KNL1: variants seen among roughly 807,000 people sequenced by gnomAD.
KNL1 encodes the protein outer kinetochore KNL1 complex subunit KNL1.
A neutral mutation model predicts 201.3 loss-of-function variants in KNL1; 66 were observed. The ratio of observed to expected loss-of-function variants is 0.33; its 90% CI spans 0.27 to 0.40. KNL1 has a LOEUF of 0.40. Ranked by LOEUF, KNL1 falls within the 10% of genes least tolerant of loss-of-function variation. KNL1 has a pLI of 1.00. For synonymous variants in KNL1, 895 were observed against 899.2 expected (o/e 1.00, Z 0.08); for missense variants, 2,815 against 2,690.5 (o/e 1.05, Z -1.02).
At chr15:40,646,893 T>G in intron 16 of KNL1, 94 bp from the exon 17 acceptor site, 5 of 536,010 alleles carry the variant, frequency 9.3e-6, no homozygotes, top group East Asian at 3.4e-5. Context: ...TGCCTGTTTG[T>G]GATCATGATA....
At chr15:40,650,677 A>G in intron 19 of KNL1, 94 bp downstream of exon 19, 1 of 1,152,064 alleles carries the variant, frequency 8.7e-7, no homozygotes, top group Non-Finnish European at 1.2e-6. Context: ...ATTTGGGGAC[A>G]TGAGTCTTGA....
At chr15:40,659,513 G>A in intron 25 of KNL1, 52 bp downstream of exon 25, 1 of 1,550,662 alleles carries the variant, frequency 6.4e-7, no homozygotes, top group Middle Eastern at 1.7e-4. Flanking sequence ...TTTTTTTTGA[G>A]ATGGAGTCTG....
At chr15:40,660,225 G>A (rs1394529221) in intron 25 of KNL1, among the ~76,000 whole-genome samples, 2 of 151,984 alleles carry the variant, frequency 1.3e-5, no homozygotes, top group Non-Finnish European at 2.9e-5. Flanking sequence ...GACCTTCATT[G>A]CTATCTCCAG....
rs776910283 is a variant in KNL1, at chr15:40,640,953, A to G, written c.5724A>G (p.Leu1908=). The G allele has an allele frequency of 2.2e-5, 36 of 1,613,276 alleles. No homozygotes were observed. In the Admixed American group the frequency reaches 5.8e-4, roughly 26 times the overall value. ...CACCTACTCCAGAAGACCTGATGTT[A>G]AGTCAATATGTTTACCGACCCAAGA... The part of the protein sequence containing the change: ...NTPPTPEDLM[L]SQYVYRPKIQ... Residue 1908 remains leucine (L), a synonymous_variant, in exon 14 of 26, where the codon TTA becomes TTG. Coordinates refer to ENST00000399668, the MANE Select transcript of KNL1 (RefSeq NM_144508.5).
chr15:40,620,581 A>C, intron 9 of KNL1, 59 bp from the exon 10 acceptor site: 1 of 1,104,584 alleles, frequency 9.1e-7, no homozygotes, highest in Non-Finnish European at 1.3e-6. Context: ...ACATGTTGTA[A>C]AATGCCTTTT....
intron 14 of KNL1, among the ~76,000 whole-genome samples, chr15:40,642,626 G>A (rs1415140524): frequency 2.6e-5 from 4 of 151,970 alleles, no homozygotes; most frequent in African/African-American, 9.7e-5. Flanking sequence ...TTGTTTGTTT[G>A]TTTCTTTGTT....
chr15:40,650,627 CAGA>C, intron 19 of KNL1, 44 bp downstream of exon 19: 1 of 1,497,692 alleles, frequency 6.7e-7, no homozygotes, highest in Non-Finnish European at 8.9e-7. Flanking sequence ...TGCTAAATCA[CAGA>C]AGGCTAGATG....
At chr15:40,658,939 A>AAAG (rs1555423581) in intron 24 of KNL1, among the ~76,000 whole-genome samples, 66 of 148,138 alleles carry the variant, frequency 4.5e-4, no homozygotes, top group Middle Eastern at 3.5e-3. Context: ...CAAAAAAAAA[A>AAAG]AAAGAAAAAG....
At chr15:40,626,905 TTTG>T (rs1322016979) in intron 10 of KNL1, among the ~76,000 whole-genome samples, 1 of 151,262 alleles carries the variant, frequency 6.6e-6, no homozygotes, top group African/African-American at 2.4e-5. Context: ...TTATTTTTGT[TTTG>T]TTTTGAGATT....
chr15:40,632,045 C>G (rs545800504), intron 13 of KNL1, among the ~76,000 whole-genome samples: 2 of 150,764 alleles, frequency 1.3e-5, no homozygotes, highest in African/African-American at 4.9e-5. Flanking sequence ...AAAAGCTATA[C>G]TTTGAAAAGA....
chr15:40,602,875 C>T, intron 1 of KNL1, 40 bp from the exon 2 acceptor site: 1 of 1,154,284 alleles, frequency 8.7e-7, no homozygotes, highest in Non-Finnish European at 1.3e-6. Flanking sequence ...GTTGCTCTTC[C>T]TTTTTCCTCA....
At chr15:40,618,735 A>T (rs758200079) in intron 8 of KNL1, among the ~76,000 whole-genome samples, 3 of 152,182 alleles carry the variant, frequency 2.0e-5, no homozygotes, top group Non-Finnish European at 4.4e-5. Context: ...TTTGATCATT[A>T]CACAATGTAT....
At chr15:40,640,158 G>A (rs541101545) in intron 13 of KNL1, among the ~76,000 whole-genome samples, 4 of 146,358 alleles carry the variant, frequency 2.7e-5, no homozygotes, top group Admixed American at 6.9e-5. Flanking sequence ...GTGCAGTGGC[G>A]CAATCTCGGC....
chr15:40,622,186 A>G lies in KNL1; in HGVS notation c.1922A>G (p.Asp641Gly). Residue 641 changes from aspartate (D) to glycine (G), a missense_variant, in exon 10 of 26, where the codon GAC becomes GGC. Physicochemically the swap from Asp to Gly is moderately conservative, Grantham distance 94. Coordinates refer to ENST00000399668, the MANE Select transcript of KNL1 (RefSeq NM_144508.5). ...AGCTTAACCGACACCTGGAACAAAG[A>G]CAAAGATTGGGTTTTGAAGATTTTG... ...KNSLTDTWNKDKDWVLKILPY... is the reference protein window; with the variant it reads ...KNSLTDTWNKGKDWVLKILPY... 6.2e-7 allele frequency: 1 copy of G among 1,614,132 alleles called. No homozygotes were observed.
rs1197309777 is a variant in KNL1 at position 40,625,350 on chromosome 15, A to G, written c.5086A>G (p.Ile1696Val). 3.7e-6 allele frequency: 6 copies of G among 1,614,010 alleles called. No individual in the cohort carries two copies. The highest frequency in any genetic ancestry group is 1.3e-5 in the African/African-American group (1 of 74,940). ...GCCGGTCTCTAGCAAAGATTCAGGC[A>G]TTGGATCTGTTGCAGGTAAACTGAA... ...TQPVSSKDSG[I>V]GSVAGKLNLS... is the part of the protein sequence containing the mutation. The change falls in exon 10 of 26, where the codon ATT becomes GTT. Residue 1696 changes from isoleucine to valine, a missense_variant. By Grantham distance (29) the Ile-to-Val change is conservative. Coordinates refer to ENST00000399668, the MANE Select transcript of KNL1 (RefSeq NM_144508.5).
At chr15:40,656,683 C>T (rs1195729015) in intron 22 of KNL1, among the ~76,000 whole-genome samples, 1 of 152,068 alleles carries the variant, frequency 6.6e-6, no homozygotes, top group Non-Finnish European at 1.5e-5. Flanking sequence ...ATCAGGAGTT[C>T]AAGAGCAGTC....
intron 13 of KNL1, among the ~76,000 whole-genome samples, chr15:40,631,086 C>T (rs1181497777): frequency 1.3e-5 from 2 of 151,898 alleles, no homozygotes; most frequent in African/African-American, 4.8e-5. Flanking sequence ...CCACTGCACT[C>T]CAGCCTAGGC....
At chr15:40,617,398 A>C (rs758398519) in intron 8 of KNL1, among the ~76,000 whole-genome samples, 3 of 152,260 alleles carry the variant, frequency 2.0e-5, no homozygotes, top group Non-Finnish European at 2.9e-5. Context: ...AGTCCATGAC[A>C]GAAAAGGAAT....
chr15:40,614,045 G>A (rs1184668864), intron 7 of KNL1, among the ~76,000 whole-genome samples: 4 of 150,336 alleles, frequency 2.7e-5, no homozygotes, highest in Non-Finnish European at 4.4e-5. Flanking sequence ...TGATCCACCC[G>A]CCTCGGCCTC....
Sources: gnomAD v4.1 joint callset for allele counts (sites outside exome capture counted in the v4.1 genomes callset) on GRCh38, gnomAD v4.1.1 for gene constraint, MANE v1.5 for transcripts, NCBI Gene and HGNC (gene_info 2026-07-23, HGNC 2026-07-21) for gene names.